Variants in MEGF11 observed in about 807,000 individuals in gnomAD.
MEGF11 encodes the protein multiple epidermal growth factor-like domains protein 11.
Under a neutral mutation model 146.6 loss-of-function variants are expected in MEGF11, and 126 were observed. The observed-to-expected ratio is 0.86, with a 90% CI of 0.74 to 1.00. The LOEUF (loss-of-function observed/expected upper bound fraction) is 1.00, where lower values mean the gene tolerates loss of function less well. MEGF11 is among the 50% of genes least tolerant of loss of function. The probability of loss-of-function intolerance (pLI) is 0.00; values close to 1 mark genes in which losing one functional copy is unlikely to be tolerated. For missense variants in MEGF11, 1,509 were observed against 1,521.2 expected (o/e 0.99, Z 0.13); for synonymous variants, 532 against 583.4 (o/e 0.91, Z 1.27).
chr15:65,978,697 G>A (rs1291052998), intron 7 of MEGF11, among the ~76,000 whole-genome samples: 1 of 152,238 alleles, frequency 6.6e-6, no homozygotes, highest in Non-Finnish European at 1.5e-5. Context: ...ATTTCTGAAA[G>A]CTGGTTGGAG....
At chr15:66,225,435 G>A (rs2091831598) in intron 1 of MEGF11, among the ~76,000 whole-genome samples, 2 of 152,240 alleles carry the variant, frequency 1.3e-5, no homozygotes, top group South Asian at 4.1e-4. Flanking sequence ...CTAGTGAGGA[G>A]CGGGGAGACC....
intron 5 of MEGF11, among the ~76,000 whole-genome samples, chr15:66,024,574 T>C (rs1019614055): frequency 2.0e-5 from 3 of 152,206 alleles, no homozygotes; most frequent in Admixed American, 1.3e-4. Context: ...ACATGCATTA[T>C]GTTGTGGCAT....
At chr15:66,035,308 G>C (rs333591) in intron 5 of MEGF11, among the ~76,000 whole-genome samples, 141,776 of 152,108 alleles carry the variant, frequency 0.93, 66,320 homozygotes, top group Non-Finnish European at 0.97. Flanking sequence ...GCTGCCGCTG[G>C]TGCTGCCACT....
chr15:66,184,433 G>A (rs1182806667), intron 1 of MEGF11, among the ~76,000 whole-genome samples: 1 of 151,684 alleles, frequency 6.6e-6, no homozygotes, highest in Non-Finnish European at 1.5e-5. Flanking sequence ...TCCGTGCCCC[G>A]ATTTCATCTT....
At chr15:66,132,756 A>G (rs1186307885) in intron 1 of MEGF11, among the ~76,000 whole-genome samples, 2 of 152,114 alleles carry the variant, frequency 1.3e-5, no homozygotes, top group African/African-American at 4.8e-5. Context: ...AGGTGTTACC[A>G]CTTTGGAAAT....
chr15:66,133,722 C>G (rs77434391), intron 1 of MEGF11, among the ~76,000 whole-genome samples: 2,695 of 152,216 alleles, frequency 0.018, 22 homozygotes, highest in South Asian at 0.024. Context: ...AGCCTCCTGC[C>G]CTGCAGCAAT....
intron 5 of MEGF11, among the ~76,000 whole-genome samples, chr15:66,005,819 C>A (rs911162661): frequency 1.3e-5 from 2 of 152,214 alleles, no homozygotes; most frequent in African/African-American, 4.8e-5. Context: ...TCAGAACCCA[C>A]ACTCTAGCCC....
chr15:66,115,791 G>T (rs775637929), intron 4 of MEGF11, among the ~76,000 whole-genome samples: 1 of 152,170 alleles, frequency 6.6e-6, no homozygotes, highest in South Asian at 2.1e-4. Flanking sequence ...GTGAAGCCAC[G>T]GGAAGAACAC....
chr15:65,965,592 CTTTCTTTCTTTTTTTTTTTTCTTTT>C (rs1307453441), intron 8 of MEGF11, among the ~76,000 whole-genome samples: 9 of 16,534 alleles, frequency 5.4e-4, no homozygotes, highest in African/African-American at 1.0e-3. Context: ...TTCTTTCTTT[CTTTCTTTCTTTTTTTTTTTTCTTTT>C]TTTTTTTTTT....
intron 4 of MEGF11, among the ~76,000 whole-genome samples, chr15:66,105,957 A>G (rs1013980119): frequency 2.6e-5 from 4 of 152,132 alleles, no homozygotes; most frequent in Non-Finnish European, 5.9e-5. Context: ...TTTCCAGCCA[A>G]TGCAGGATAA....
chr15:66,252,318 CT>C (rs1340780058), intron 1 of MEGF11, among the ~76,000 whole-genome samples: 2 of 152,002 alleles, frequency 1.3e-5, no homozygotes, highest in Admixed American at 1.3e-4. Context: ...GCGAGGACCC[CT>C]GCCCAAGGGA....
At chr15:66,215,533 T>C (rs551656901) in intron 1 of MEGF11, among the ~76,000 whole-genome samples, 1 of 152,324 alleles carries the variant, frequency 6.6e-6, no homozygotes, top group Non-Finnish European at 1.5e-5. Flanking sequence ...GCATTTATCA[T>C]ACAGACAAAT....
chr15:66,051,793 G>A (rs142191387), intron 5 of MEGF11, among the ~76,000 whole-genome samples: 165 of 152,298 alleles, frequency 1.1e-3, no homozygotes, highest in Middle Eastern at 3.4e-3. Context: ...GGTCGATTTC[G>A]GCATCTCTGG....
chr15:65,992,450 T>TGTGTGTG (rs776847440), intron 5 of MEGF11, among the ~76,000 whole-genome samples: 75 of 126,630 alleles, frequency 5.9e-4, no homozygotes, highest in African/African-American at 2.0e-3. Context: ...TGTGTGTGTG[T>TGTGTGTG]GGGGGGGGGG....
At chr15:66,236,650 A>G (rs62011685) in intron 1 of MEGF11, among the ~76,000 whole-genome samples, 29,215 of 152,102 alleles carry the variant, frequency 0.19, 3,516 homozygotes, top group Admixed American at 0.27. Flanking sequence ...GGAGGGAAGA[A>G]CAGCAGCTCG....
intron 5 of MEGF11, among the ~76,000 whole-genome samples, chr15:66,018,905 G>A (rs1596995886): frequency 6.6e-6 from 1 of 152,228 alleles, no homozygotes; most frequent in Admixed American, 6.5e-5. Flanking sequence ...AACCAAGAAC[G>A]CTAAGGTGAG....
chr15:66,111,650 G>C (rs888738138), intron 4 of MEGF11, among the ~76,000 whole-genome samples: 3 of 152,160 alleles, frequency 2.0e-5, no homozygotes, highest in Admixed American at 6.5e-5. Context: ...CTCCATGTAG[G>C]GGGGATTTGA....
At chr15:66,230,873 C>T (rs1470168364) in intron 1 of MEGF11, among the ~76,000 whole-genome samples, 1 of 152,120 alleles carries the variant, frequency 6.6e-6, no homozygotes, top group Non-Finnish European at 1.5e-5. Flanking sequence ...AATGGAAACC[C>T]AGAGAGGGGA....
chr15:66,103,229 A>G (rs2086904241), intron 4 of MEGF11, among the ~76,000 whole-genome samples: 1 of 152,204 alleles, frequency 6.6e-6, no homozygotes, highest in East Asian at 1.9e-4. Flanking sequence ...ACCTCCAGAG[A>G]TGCCAGACAC....
Sources: allele counts gnomAD v4.1 joint callset (sites outside exome capture counted in the v4.1 genomes callset), GRCh38; gene constraint gnomAD v4.1.1; transcripts MANE v1.5; gene names NCBI Gene and HGNC (gene_info 2026-07-23, HGNC 2026-07-21).